Variants in SMC5 observed in about 807,000 individuals in gnomAD.
SMC5 encodes structural maintenance of chromosomes protein 5.
SMC5 carries 88 observed loss-of-function variants against 148.3 expected under a neutral mutation model. That is an observed-to-expected ratio of 0.59 (90% confidence interval 0.50 to 0.71). The LOEUF is 0.71. Among genes scored for constraint, SMC5 ranks in the 30% least tolerant of loss-of-function variants. SMC5 has a pLI of 0.00. For synonymous variants in SMC5, 421 were observed against 432.8 expected, an observed-to-expected ratio of 0.97 and a Z score of 0.34; for missense variants, 1,142 against 1,298.9, an observed-to-expected ratio of 0.88 and a Z score of 1.86.
At chr9:70,279,722 C>T (rs1008321799) in intron 5 of SMC5, among the ~76,000 whole-genome samples, 1 of 145,924 alleles carries the variant, frequency 6.9e-6, no homozygotes, top group Non-Finnish European at 1.5e-5. Flanking sequence ...GAGGCTGAGA[C>T]AGGAGAATCG....
At chr9:70,342,720 A>G (rs777314246) in intron 17 of SMC5, among the ~76,000 whole-genome samples, 1 of 152,188 alleles carries the variant, frequency 6.6e-6, no homozygotes, top group South Asian at 2.1e-4. Flanking sequence ...TACAGAAGAC[A>G]TTTAGTAGAT....
intron 11 of SMC5, among the ~76,000 whole-genome samples, chr9:70,309,455 A>G (rs2035602820): frequency 1.3e-5 from 2 of 149,232 alleles, no homozygotes; most frequent in African/African-American, 4.9e-5. Context: ...CTTCTTTCAA[A>G]ATTGGAGTTG....
chr9:70,325,610 A>G (rs954639548), intron 17 of SMC5, among the ~76,000 whole-genome samples: 2 of 152,220 alleles, frequency 1.3e-5, no homozygotes, highest in Non-Finnish European at 2.9e-5. Context: ...TTCTTACTGA[A>G]GAGAACTAGA....
At chr9:70,265,386 G>C (rs796566710) in intron 2 of SMC5, among the ~76,000 whole-genome samples, 29 of 152,274 alleles carry the variant, frequency 1.9e-4, no homozygotes, top group African/African-American at 6.0e-4. Flanking sequence ...TTGAATCCAG[G>C]AGGCGGAGGT....
At chr9:70,259,397 G>T in intron 1 of SMC5, 134 bp downstream of exon 1, 2 of 910,890 alleles carry the variant, frequency 2.2e-6, no homozygotes, top group Non-Finnish European at 1.6e-6. Flanking sequence ...TCGTGCCGGG[G>T]TTCCCTTGAG....
At chr9:70,274,316 C>T (rs1212184140) in intron 3 of SMC5, among the ~76,000 whole-genome samples, 9 of 152,214 alleles carry the variant, frequency 5.9e-5, no homozygotes, top group East Asian at 1.9e-4. Flanking sequence ...CTCCTGACCT[C>T]GTGATCCACC....
At chr9:70,334,925 T>G (rs1418591903) in intron 17 of SMC5, among the ~76,000 whole-genome samples, 2 of 152,086 alleles carry the variant, frequency 1.3e-5, no homozygotes, top group Non-Finnish European at 2.9e-5. Context: ...ACCTTATTAG[T>G]CAGTAGGGAA....
intron 7 of SMC5, among the ~76,000 whole-genome samples, chr9:70,283,810 C>T (rs1180020796): frequency 6.6e-6 from 1 of 152,012 alleles, no homozygotes; most frequent in Non-Finnish European, 1.5e-5. Context: ...TTTTTACAGG[C>T]ATCATCTCTA....
At position 70,352,240 on chromosome 9, in the gene SMC5, A is replaced by G. The variant is rs760978904; in HGVS notation, c.3215A>G (p.Tyr1072Cys). Reference protein sequence around the residue: ...YSEKMTVLFVYNGPHMLEPNT... With the variant: ...YSEKMTVLFVCNGPHMLEPNT... ...GAAAAGATGACAGTTTTGTTTGTCT[A>G]CAATGGCCCTCATATGCTGGAACCA... is the stretch of plus-strand genomic sequence containing the variant. The change falls in exon 25 of 25, where the codon TAC becomes TGC. Residue 1072 changes from tyrosine to cysteine, a missense_variant. Physicochemically the swap from Tyr to Cys is radical, Grantham distance 194. Coordinates refer to ENST00000361138, the MANE Select transcript of SMC5 (RefSeq NM_015110.4). 9.3e-6 allele frequency: 15 copies of G among 1,613,624 alleles called. No individual in the cohort carries two copies. Among genetic ancestry groups the G allele is most frequent in the Admixed American group, 5.0e-5 (3 of 59,886 alleles).
At chr9:70,293,060 A>G (rs915425769) in intron 8 of SMC5, among the ~76,000 whole-genome samples, 1 of 152,152 alleles carries the variant, frequency 6.6e-6, no homozygotes, top group African/African-American at 2.4e-5. Context: ...GAGATTGTGT[A>G]GAATTGATGT....
chr9:70,296,822 C>G (rs1442794259), intron 8 of SMC5, among the ~76,000 whole-genome samples: 3 of 152,122 alleles, frequency 2.0e-5, no homozygotes, highest in African/African-American at 7.2e-5. Flanking sequence ...AAAATCTTTA[C>G]TCTGTCTTAG....
intron 17 of SMC5, 100 bp from the exon 18 acceptor site, chr9:70,344,044 A>G (rs559641021): frequency 4.6e-6 from 3 of 647,150 alleles, no homozygotes; most frequent in East Asian, 7.1e-5. Flanking sequence ...GATTATCATT[A>G]TAATCAGAAT....
chr9:70,297,716 T>C (rs562226414), intron 8 of SMC5, among the ~76,000 whole-genome samples: 1 of 152,196 alleles, frequency 6.6e-6, no homozygotes. Flanking sequence ...ATTCAGGAAA[T>C]ATTTAATGAG....
Position 70,264,291 on chromosome 9 carries a change from CTT to C in SMC5, c.186-11_186-10del, listed in dbSNP as rs1488491301. 1 of 1,604,226 alleles carries C rather than the reference CTT, an allele frequency of 6.2e-7. No homozygotes were observed. Among genetic ancestry groups the C allele is most frequent in the East Asian group, 2.2e-5 (1 of 44,634 alleles). ...GTATCTCTCCTTAATAATTTCATCTCTTTATAATTCAGAACATATGATATTTG... is the reference window on the plus strand; with the variant it reads ...GTATCTCTCCTTAATAATTTCATCTCTATAATTCAGAACATATGATATTTG... On this transcript the variant is annotated splice_polypyrimidine_tract_variant and intron_variant, in intron 1 of 24. Coordinates refer to ENST00000361138, the MANE Select transcript of SMC5 (RefSeq NM_015110.4).
In SMC5 at chr9:70,354,216, TTTTGTTTG is replaced by T. The variant is rs759659073; in HGVS notation, c.*1901_*1908del. On this transcript the variant is annotated 3_prime_UTR_variant, in exon 25 of 25. Transcript: ENST00000361138. The stretch of plus-strand genomic sequence containing the variant: ...TCTCAGCCACTTAAAACAAAAGTTT[TTTTGTTTG>T]TTTGTTTGTTTGTTTTTTTGAGATG... The T allele has an allele frequency of 2.0e-5, 3 of 152,520 alleles. No individual in the cohort carries two copies. Among genetic ancestry groups the T allele is most frequent in the Non-Finnish European group, 4.4e-5 (3 of 68,374 alleles). 9.4% of individuals were successfully genotyped at this position (152,520 alleles called of 1,614,324 possible).
intron 15 of SMC5, among the ~76,000 whole-genome samples, chr9:70,319,309 T>A (rs1192204248): frequency 6.6e-6 from 1 of 152,174 alleles, no homozygotes; most frequent in African/African-American, 2.4e-5. Flanking sequence ...TATTTTTTTT[T>A]AGGTGGAGAT....
At chr9:70,349,320 G>T (rs545061553) in intron 22 of SMC5, among the ~76,000 whole-genome samples, 10 of 152,194 alleles carry the variant, frequency 6.6e-5, no homozygotes, top group African/African-American at 2.4e-4. Context: ...ACCCCCCTCG[G>T]CCTCCCAAAT....
At chr9:70,289,778 C>T (rs753666302) in intron 8 of SMC5, among the ~76,000 whole-genome samples, 1 of 151,716 alleles carries the variant, frequency 6.6e-6, no homozygotes, top group Non-Finnish European at 1.5e-5. Flanking sequence ...TCTTTATTCT[C>T]CCATCTAATT....
At chr9:70,259,322 G>A (rs1024938785) in intron 1 of SMC5, 59 bp downstream of exon 1, 3 of 1,482,822 alleles carry the variant, frequency 2.0e-6, no homozygotes, top group African/African-American at 2.8e-5. Context: ...CAGGCCCCGG[G>A]GCTCCGGCAG....
Sources: allele counts gnomAD v4.1 joint callset (sites outside exome capture counted in the v4.1 genomes callset), GRCh38; gene constraint gnomAD v4.1.1; transcripts MANE v1.5; gene names NCBI Gene and HGNC (gene_info 2026-07-23, HGNC 2026-07-21).